IZUMO2: variants seen among roughly 807,000 people sequenced by gnomAD.
IZUMO2 encodes IZUMO family member 2.
Under a neutral mutation model 31.2 loss-of-function variants are expected in IZUMO2, and 24 were observed. The ratio of observed to expected loss-of-function variants is 0.77; its 90% CI spans 0.56 to 1.08. IZUMO2 has a LOEUF of 1.08. IZUMO2 is among the 50% of genes least tolerant of loss of function. The pLI, the probability that IZUMO2 is intolerant of heterozygous loss-of-function variation, is 0.00. For missense variants in IZUMO2, 278 were observed against 274.0 expected (o/e 1.01, Z -0.10); for synonymous variants, 144 against 117.3 (o/e 1.23, Z -1.47).
At chr19:50,162,857 A>G (rs982395277) in intron 1 of IZUMO2, 44 bp from the exon 2 acceptor site, 3 of 1,605,868 alleles carry the variant, frequency 1.9e-6, no homozygotes, top group Non-Finnish European at 2.6e-6. Flanking sequence ...CCCCCCAGAG[A>G]GCCAAGTGAC....
intron 5 of IZUMO2, among the ~76,000 whole-genome samples, chr19:50,157,406 G>A (rs1337045839): frequency 6.7e-6 from 1 of 150,136 alleles, no homozygotes; most frequent in Non-Finnish European, 1.5e-5. Context: ...ATATTCAAGC[G>A]ATTCTCCTGC....
chr19:50,162,689 C>T (rs372722747), intron 2 of IZUMO2, 50 bp downstream of exon 2: 2 of 1,443,312 alleles, frequency 1.4e-6, no homozygotes, highest in East Asian at 2.3e-5. Context: ...TGGGGCAGAC[C>T]GGCGGAAAGA....
intron 5 of IZUMO2, among the ~76,000 whole-genome samples, chr19:50,157,910 T>TAA (rs35022444): frequency 3.6e-5 from 4 of 110,812 alleles, no homozygotes; most frequent in African/African-American, 3.1e-5. Context: ...AGAATCCATA[T>TAA]AAAAAAAAAA....
In IZUMO2 at chr19:50,154,586, C is replaced by T. The variant is rs754391801; in HGVS notation, c.623+14G>A. 11 of 1,613,254 alleles carry T rather than the reference C, an allele frequency of 6.8e-6. No individual in the cohort carries two copies. The African/African-American group carries it at 1.2e-4, about 18-fold the overall frequency. On this transcript the variant is annotated intron_variant, in intron 6 of 6. Transcript: ENST00000293405. ...GTTCCACGGGGGACTGAGGAGGGGG[C>T]AAGGATGACTCACGAGACCACGATG...
chr19:50,162,620 A>G, intron 2 of IZUMO2, 119 bp downstream of exon 2: 1 of 844,594 alleles, frequency 1.2e-6, no homozygotes, highest in Non-Finnish European at 1.9e-6. Flanking sequence ...CTCTTAAAAA[A>G]GAAAAAAAAA....
In IZUMO2 at chr19:50,163,017, T is replaced by G. The variant is rs757770992; in HGVS notation, c.178A>C (p.Met60Leu). The G allele has an allele frequency of 1.9e-6, 3 of 1,605,826 alleles. No individual in the cohort carries two copies. The highest frequency in any genetic ancestry group is 1.3e-5 in the African/African-American group (1 of 74,542). Reference protein sequence around the residue: ...QARAGAVLMGMEGPFFRDYAL... With the variant: ...QARAGAVLMGLEGPFFRDYAL... Reference sequence around the variant, plus strand: ...TAGTCCCGGAAGAAAGGCCCCTCCATGCCCATCAGCACGGCCCCGGCGCGC... The same window carrying G: ...TAGTCCCGGAAGAAAGGCCCCTCCAGGCCCATCAGCACGGCCCCGGCGCGC... Residue 60 changes from methionine (M) to leucine (L), a missense_variant, in exon 1 of 7, where the codon ATG (methionine) becomes CTG (leucine). By Grantham distance (15) the Met-to-Leu change is conservative. Coordinates refer to ENST00000293405, the MANE Select transcript of IZUMO2 (RefSeq NM_152358.3).
At chr19:50,159,650 CAGG>C in intron 2 of IZUMO2, 70 bp from the exon 3 acceptor site, 1 of 885,060 alleles carries the variant, frequency 1.1e-6, no homozygotes, top group East Asian at 2.4e-5. Flanking sequence ...CTGAAGCTTC[CAGG>C]AGAAGAGATG....
chr19:50,163,063 G>T lies in IZUMO2; in HGVS notation c.132C>A (p.Phe44Leu). The T allele has an allele frequency of 6.2e-7, 1 of 1,608,148 alleles. No individual in the cohort carries two copies. The highest frequency in any genetic ancestry group is 2.2e-5 in the East Asian group (1 of 44,666). The change falls in exon 1 of 7, where the codon TTC (phenylalanine) becomes TTA (leucine). Residue 44 changes from phenylalanine (F) to leucine (L), a missense_variant. Transcript: ENST00000293405. ...CGCGCGCCTGCAGCTGCTCCAACTG[G>T]AAGCGACTGGGGATGAGGGCGGAGC... ...HLRSALIPSR[F>L]QLEQLQARAG...
At chr19:50,162,852 C>T in intron 1 of IZUMO2, 39 bp from the exon 2 acceptor site, 1 of 1,607,718 alleles carries the variant, frequency 6.2e-7, no homozygotes, top group Non-Finnish European at 8.5e-7. Context: ...GTGAGCCCCC[C>T]AGAGAGCCAA....
Position 50,158,251 on chromosome 19 carries a change from C to T in IZUMO2, c.496+17G>A, listed in dbSNP as rs368981905. ...TGCACGCCTGTCCCATGTCTTCCCC[C>T]ACCCCCAGAAGCTTACCAAAGCAGT... On this transcript the variant is annotated intron_variant, in intron 5 of 6. Coordinates refer to ENST00000293405, the MANE Select transcript of IZUMO2 (RefSeq NM_152358.3). 6.4e-7 allele frequency: 1 copy of T among 1,569,234 alleles called. No homozygotes were observed. The highest frequency in any genetic ancestry group is 1.4e-5 in the African/African-American group (1 of 73,648).
At chr19:50,152,910 C>A (rs944312290) in intron 6 of IZUMO2, among the ~76,000 whole-genome samples, 1 of 152,010 alleles carries the variant, frequency 6.6e-6, no homozygotes, top group Non-Finnish European at 1.5e-5. Flanking sequence ...CAAGAGGAGA[C>A]ACAGGCAGAA....
At chr19:50,158,207 C>A in intron 5 of IZUMO2, 61 bp downstream of exon 5, 1 of 1,092,670 alleles carries the variant, frequency 9.2e-7, no homozygotes, top group South Asian at 1.4e-5. Context: ...TCTAGTGGGT[C>A]ATGGCTGTCT....
intron 2 of IZUMO2, chr19:50,160,227 C>G (rs934083869): frequency 6.6e-6 from 1 of 152,212 alleles, no homozygotes; most frequent in Non-Finnish European, 1.5e-5. Context: ...CGTGCACTGT[C>G]CAGTGTGGTA....
chr19:50,152,770 C>A (rs1284312447), intron 6 of IZUMO2, 119 bp from the exon 7 acceptor site: 2 of 860,584 alleles, frequency 2.3e-6, no homozygotes, highest in Non-Finnish European at 3.9e-6. Context: ...TTTGGCTCAT[C>A]CAGTGACGTC....
At chr19:50,158,691 C>T (rs1361204765) in intron 4 of IZUMO2, among the ~76,000 whole-genome samples, 1 of 152,162 alleles carries the variant, frequency 6.6e-6, no homozygotes, top group Non-Finnish European at 1.5e-5. Flanking sequence ...CACACTGCCT[C>T]CTCCTCTACT....
chr19:50,153,061 A>G (rs1344645533), intron 6 of IZUMO2, among the ~76,000 whole-genome samples: 1 of 152,200 alleles, frequency 6.6e-6, no homozygotes, highest in African/African-American at 2.4e-5. Flanking sequence ...CGGTCTTTGC[A>G]GATGTAATTA....
chr19:50,156,133 G>C (rs913262947), intron 5 of IZUMO2, among the ~76,000 whole-genome samples: 1 of 152,094 alleles, frequency 6.6e-6, no homozygotes, highest in African/African-American at 2.4e-5. Context: ...TTGCCATCTG[G>C]ATCAAGCCTG....
At chr19:50,156,948 A>C (rs2030230595) in intron 5 of IZUMO2, among the ~76,000 whole-genome samples, 1 of 152,194 alleles carries the variant, frequency 6.6e-6, no homozygotes, top group Non-Finnish European at 1.5e-5. Flanking sequence ...ACATTGAGGA[A>C]TCATTGCTAG....
intron 6 of IZUMO2, 130 bp downstream of exon 6, chr19:50,154,470 G>C: frequency 1.2e-6 from 1 of 804,130 alleles, no homozygotes; most frequent in Non-Finnish European, 2.0e-6. Flanking sequence ...GAGAGAAAAA[G>C]AGAGACAGAG....
Sources: gnomAD v4.1 joint callset for allele counts (sites outside exome capture counted in the v4.1 genomes callset) on GRCh38, gnomAD v4.1.1 for gene constraint, MANE v1.5 for transcripts, NCBI Gene and HGNC (gene_info 2026-07-23, HGNC 2026-07-21) for gene names.